Variants in SMYD3 observed in about 807,000 individuals in gnomAD.
SMYD3 encodes the protein histone-lysine N-methyltransferase SMYD3.
In SMYD3, 36 loss-of-function variants were observed where a neutral mutation model predicts 57.7. The observed-to-expected ratio is 0.62, with a 90% CI of 0.48 to 0.82. The LOEUF (loss-of-function observed/expected upper bound fraction) is 0.82, where lower values mean the gene tolerates loss of function less well. SMYD3 is among the 40% of genes least tolerant of loss of function. SMYD3 has a pLI of 0.00. For synonymous variants in SMYD3, 211 were observed against 195.0 expected (o/e 1.08, Z -0.68); for missense variants, 515 against 538.8 (o/e 0.96, Z 0.44).
intron 5 of SMYD3, among the ~76,000 whole-genome samples, chr1:246,098,390 C>G (rs1233352000): frequency 1.3e-5 from 2 of 152,048 alleles, no homozygotes; most frequent in Non-Finnish European, 2.9e-5. Flanking sequence ...GAAGAGGGTT[C>G]AGAGAGGCCA....
intron 5 of SMYD3, among the ~76,000 whole-genome samples, chr1:246,192,087 G>A (rs928110097): frequency 2.0e-5 from 3 of 152,100 alleles, no homozygotes. Flanking sequence ...GCTATGTGTG[G>A]CTTTTGTTGT....
chr1:245,917,941 G>A (rs2055568356), intron 7 of SMYD3, among the ~76,000 whole-genome samples: 1 of 152,146 alleles, frequency 6.6e-6, no homozygotes, highest in Admixed American at 6.5e-5. Context: ...GATCTTACTT[G>A]TTTGAAATCA....
intron 8 of SMYD3, among the ~76,000 whole-genome samples, chr1:245,869,150 G>T (rs2052036716): frequency 6.6e-6 from 1 of 151,976 alleles, no homozygotes; most frequent in African/African-American, 2.4e-5. Context: ...GCTTGAATGG[G>T]TGAGTCCTGG....
At position 245,768,932 on chromosome 1, in the gene SMYD3, G is replaced by A. The variant is rs373935764; in HGVS notation, c.1077-4783C>T. ...TGTTCTTGGTGAATTACCGTCTATG[G>A]TATTTTGGTGTAGCAGCACAAACTA... On this transcript the variant is annotated intron_variant, in intron 10 of 11. Coordinates refer to ENST00000490107, the MANE Select transcript of SMYD3 (RefSeq NM_001167740.2). Among the ~76,000 whole-genome samples, 36 of 152,248 alleles carry A rather than the reference G, an allele frequency of 2.4e-4. No individual in the cohort carries two copies. In the East Asian group the frequency reaches 5.0e-3, roughly 21 times the overall value.
At chr1:246,281,765 G>T (rs7526997) in intron 5 of SMYD3, among the ~76,000 whole-genome samples, 50,911 of 152,020 alleles carry the variant, frequency 0.33, 9,385 homozygotes, top group East Asian at 0.72. Context: ...AGAGGCAAAG[G>T]CTTTGATTCC....
intron 5 of SMYD3, among the ~76,000 whole-genome samples, chr1:246,274,064 T>A (rs1339073334): frequency 1.3e-5 from 2 of 152,182 alleles, no homozygotes; most frequent in African/African-American, 4.8e-5. Context: ...GACCTATCGA[T>A]CATGTCATAC....
chr1:246,098,173 T>C lies in SMYD3; in HGVS notation c.532-168236A>G, dbSNP rs1480797228. 2.0e-5 allele frequency among the ~76,000 whole-genome samples: 3 copies of C among 152,336 alleles called. No homozygotes were observed. In the East Asian group the frequency reaches 5.8e-4, roughly 29 times the overall value. On this transcript the variant is annotated intron_variant, in intron 5 of 11. Transcript: ENST00000490107. ...ACCCGCACCCAAAAAGACAACATAA[T>C]TCAATGCACACATGCAAATCAAGAA...
chr1:245,963,937 C>A (rs189993132), intron 5 of SMYD3, among the ~76,000 whole-genome samples: 1 of 152,356 alleles, frequency 6.6e-6, no homozygotes, highest in Non-Finnish European at 1.5e-5. Flanking sequence ...AGAACAATTC[C>A]ATTCTGAGTT....
intron 5 of SMYD3, chr1:246,321,833 C>G (rs920676700): frequency 6.6e-6 from 1 of 152,462 alleles, no homozygotes; most frequent in Non-Finnish European, 1.5e-5. Context: ...ACTGCAGCCT[C>G]GACTTCCTAG....
intron 5 of SMYD3, among the ~76,000 whole-genome samples, chr1:246,271,382 A>G (rs937033733): frequency 6.6e-6 from 1 of 152,142 alleles, no homozygotes; most frequent in Admixed American, 6.5e-5. Flanking sequence ...GACAAATCCA[A>G]TGTCATGAAG....
At chr1:246,037,618 T>C (rs2059799222) in intron 5 of SMYD3, among the ~76,000 whole-genome samples, 2 of 152,258 alleles carry the variant, frequency 1.3e-5, no homozygotes, top group Non-Finnish European at 2.9e-5. Context: ...TCTTTGTCCC[T>C]GCCTTCAATC....
chr1:245,776,057 A>G (rs961110075), intron 10 of SMYD3, among the ~76,000 whole-genome samples: 1 of 152,260 alleles, frequency 6.6e-6, no homozygotes, highest in Non-Finnish European at 1.5e-5. Context: ...GAGAAACAGT[A>G]GTATTCAAGC....
intron 1 of SMYD3, among the ~76,000 whole-genome samples, chr1:246,458,837 G>A (rs1442011286): frequency 6.6e-6 from 1 of 151,980 alleles, no homozygotes; most frequent in Admixed American, 6.6e-5. Context: ...CTAGTGCCAG[G>A]AACATGTGAT....
chr1:246,413,808 A>T (rs916695546), intron 1 of SMYD3, among the ~76,000 whole-genome samples: 2 of 152,104 alleles, frequency 1.3e-5, no homozygotes, highest in African/African-American at 4.8e-5. Flanking sequence ...AGCCAAGGAA[A>T]CCTCTTATCT....
intron 5 of SMYD3, among the ~76,000 whole-genome samples, chr1:246,134,360 C>T (rs963862014): frequency 6.6e-6 from 1 of 151,816 alleles, no homozygotes; most frequent in Admixed American, 6.6e-5. Context: ...TTATTAAATG[C>T]CTTATAATAA....
chr1:246,218,625 A>AC, intron 5 of SMYD3, among the ~76,000 whole-genome samples: 1 of 152,076 alleles, frequency 6.6e-6, no homozygotes, highest in African/African-American at 2.4e-5. Context: ...CGTCTCAAAA[A>AC]AAAAAAAAAG....
At chr1:246,265,977 T>G (rs1472892768) in intron 5 of SMYD3, among the ~76,000 whole-genome samples, 3 of 152,254 alleles carry the variant, frequency 2.0e-5, no homozygotes, top group Non-Finnish European at 4.4e-5. Flanking sequence ...CTGAAGGTCC[T>G]TGTATTTGCT....
In SMYD3 at chr1:246,387,648, GC is replaced by G. The variant is rs2148763170; in HGVS notation, c.165-32555del. Among the ~76,000 whole-genome samples, 2 of 152,338 alleles carry G rather than the reference GC, an allele frequency of 1.3e-5. 1 individual carries two copies. Among genetic ancestry groups the G allele is most frequent in the South Asian group, 4.1e-4 (2 of 4,828 alleles). On this transcript the variant is annotated intron_variant, in intron 1 of 11. Transcript: ENST00000490107. ...ACCTGAAGCAAAGCAGCAGTGTGAG[GC>G]AGGGAAGTCTCCTCGGAGGAAGAAA...
intron 2 of SMYD3, among the ~76,000 whole-genome samples, chr1:246,345,220 GA>G (rs1260112978): frequency 3.9e-5 from 6 of 152,062 alleles, no homozygotes; most frequent in Admixed American, 3.9e-4. Context: ...TAAGCTTATT[GA>G]ACCTAAATCT....
Sources: gnomAD v4.1 joint callset for allele counts (sites outside exome capture counted in the v4.1 genomes callset) on GRCh38, gnomAD v4.1.1 for gene constraint, MANE v1.5 for transcripts, NCBI Gene and HGNC (gene_info 2026-07-23, HGNC 2026-07-21) for gene names.